PDE12: variants seen among roughly 807,000 people sequenced by gnomAD.
The protein encoded by PDE12 is phosphodiesterase 12.
Under a neutral mutation model 45.4 loss-of-function variants are expected in PDE12, and 26 were observed. That is an observed-to-expected ratio of 0.57 (90% confidence interval 0.42 to 0.79). The LOEUF is 0.79. PDE12 is among the 30% of genes least tolerant of loss of function. The probability of loss-of-function intolerance (pLI) is 0.00; values close to 1 mark genes in which losing one functional copy is unlikely to be tolerated. For synonymous variants in PDE12, 283 were observed against 323.9 expected, an observed-to-expected ratio of 0.87 and a Z score of 1.36; for missense variants, 668 against 790.0, an observed-to-expected ratio of 0.85 and a Z score of 1.85.
chr3:57,607,691 TAA>T, the PDE12 span, among the ~76,000 whole-genome samples: 3 of 151,326 alleles, frequency 2.0e-5, no homozygotes, highest in Non-Finnish European at 4.4e-5. Context: ...GAGAAAAGAG[TAA>T]AAATAAATGA....
the PDE12 span, chr3:57,600,198 T>A: frequency 6.6e-6 from 1 of 152,136 alleles, no homozygotes; most frequent in African/African-American, 2.4e-5. Context: ...TAAGTAGTGT[T>A]ATTTTTTGTA....
the PDE12 span, chr3:57,597,259 A>G: frequency 1.0e-6 from 1 of 983,560 alleles, no homozygotes; most frequent in Non-Finnish European, 1.5e-6. Flanking sequence ...GGAGGAAGAA[A>G]GAGGGAGGCA....
the PDE12 span, chr3:57,572,138 T>C: frequency 1.7e-6 from 2 of 1,190,746 alleles, no homozygotes; most frequent in Middle Eastern, 2.5e-4. Flanking sequence ...ATAACCAAGA[T>C]ACAAACTAAT....
chr3:57,648,539 A>G, the PDE12 span, among the ~76,000 whole-genome samples: 5 of 152,204 alleles, frequency 3.3e-5, no homozygotes, highest in Non-Finnish European at 7.3e-5. Context: ...ATGGAACCAA[A>G]AAAGAGCCTG....
At chr3:57,582,786 T>G in the PDE12 span, among the ~76,000 whole-genome samples, 1 of 152,054 alleles carries the variant, frequency 6.6e-6, no homozygotes, top group Non-Finnish European at 1.5e-5. Flanking sequence ...GACAAGAAAT[T>G]CCTTGGGTGG....
At chr3:57,572,029 C>T in the PDE12 span, 1 of 503,852 alleles carries the variant, frequency 2.0e-6, no homozygotes, top group South Asian at 3.2e-5. Context: ...TTCTTTAAAA[C>T]CAAGCACATT....
chr3:57,656,016 G>A, the PDE12 span, among the ~76,000 whole-genome samples: 1,037 of 152,086 alleles, frequency 6.8e-3, 14 homozygotes, highest in African/African-American at 0.023. Flanking sequence ...ATTCATTTTG[G>A]GGACACTCCC....
the PDE12 span, among the ~76,000 whole-genome samples, chr3:57,651,720 C>T: frequency 2.0e-5 from 3 of 151,678 alleles, no homozygotes; most frequent in Non-Finnish European, 4.4e-5. Flanking sequence ...CGGAATATCT[C>T]ACACCAGAAA....
rs2069789181 is a variant in PDE12 at position 57,566,710 on chromosome 3, G to GTTA, written c.*6707_*6709dup. 6.6e-6 allele frequency: 1 copy of GTTA among 152,144 alleles called. No homozygotes were observed. Among genetic ancestry groups the GTTA allele is most frequent in the Non-Finnish European group, 1.5e-5 (1 of 68,024 alleles). The allele number at this position is 152,144 out of a possible 1,614,324, so 9.4% of individuals were successfully genotyped here. A position where few individuals can be genotyped will look rare whatever the true frequency, so the allele number is the denominator to read the frequency against. ...TTGCATTTCCATGATGGTTAACGAT[G>GTTA]TTAAGCATCTTTTCATGTGCTCGTT... is the stretch of plus-strand genomic sequence containing the variant. On this transcript the variant is annotated 3_prime_UTR_variant, in exon 3 of 3. Coordinates refer to ENST00000311180, the MANE Select transcript of PDE12 (RefSeq NM_177966.7).
downstream of PDE12, among the ~76,000 whole-genome samples, chr3:57,567,168 T>A (rs1378664234): frequency 6.6e-6 from 1 of 152,004 alleles, no homozygotes; most frequent in African/African-American, 2.4e-5. Flanking sequence ...AAAAATTAGC[T>A]GGCCGTGGTG....
At chr3:57,578,037 C>T in the PDE12 span, among the ~76,000 whole-genome samples, 9 of 151,780 alleles carry the variant, frequency 5.9e-5, no homozygotes, top group Non-Finnish European at 1.3e-4. Flanking sequence ...GGTGGCAGAG[C>T]GAGACCCTAT....
the PDE12 span, among the ~76,000 whole-genome samples, chr3:57,647,291 A>C: frequency 6.6e-6 from 1 of 152,192 alleles, no homozygotes; most frequent in South Asian, 2.1e-4. Context: ...CCACAAAAGA[A>C]ACAAACAACA....
the PDE12 span, among the ~76,000 whole-genome samples, chr3:57,645,944 C>G: frequency 6.6e-6 from 1 of 152,158 alleles, no homozygotes; most frequent in African/African-American, 2.4e-5. Context: ...ACTGAAAGAA[C>G]ACACTGGGTT....
chr3:57,603,336 T>A, the PDE12 span, among the ~76,000 whole-genome samples: 3 of 152,110 alleles, frequency 2.0e-5, no homozygotes, highest in African/African-American at 7.2e-5. Context: ...CATGTTTATT[T>A]TTTATTTATT....
downstream of PDE12, among the ~76,000 whole-genome samples, chr3:57,571,008 T>G (rs2069836748): frequency 6.6e-6 from 1 of 151,930 alleles, no homozygotes; most frequent in African/African-American, 2.4e-5. Context: ...TGTTTTTAGT[T>G]TTTTAAGTAG....
chr3:57,631,757 C>G, the PDE12 span, among the ~76,000 whole-genome samples: 2 of 117,526 alleles, frequency 1.7e-5, no homozygotes, highest in Non-Finnish European at 3.3e-5. Context: ...GAGTCTCACT[C>G]TTTCGCCCAA....
At chr3:57,622,882 A>G in the PDE12 span, among the ~76,000 whole-genome samples, 1 of 152,216 alleles carries the variant, frequency 6.6e-6, no homozygotes, top group East Asian at 1.9e-4. Flanking sequence ...CACTTACATA[A>G]AACTCTAGAA....
In PDE12 at chr3:57,556,528, G is replaced by C. The variant is rs1269442947; in HGVS notation, c.149G>C (p.Ser50Thr). 1.2e-6 allele frequency: 2 copies of C among 1,613,550 alleles called. No individual in the cohort carries two copies. Among genetic ancestry groups the C allele is most frequent in the Admixed American group, 1.7e-5 (1 of 60,038 alleles). Residue 50 changes from serine (S) to threonine (T), a missense_variant, in exon 1 of 3, where the codon AGC becomes ACC. Around this residue, in one of 3 missense-constraint regions of PDE12, gnomAD observed 580 missense variants for 662.9 expected, o/e 0.87. Coordinates refer to ENST00000311180, the MANE Select transcript of PDE12 (RefSeq NM_177966.7). This position sits in a 1 kb window ranked among gnomAD's most constrained non-coding sequence, Gnocchi z 5.0. ...VRCVPSEPKL[S>T]LSFALADGSH... ...TGCGTACCTTCGGAACCCAAGCTGA[G>C]CCTGTCATTCGCTTTGGCTGATGGT...
the PDE12 span, chr3:57,634,604 T>C: frequency 2.0e-6 from 3 of 1,474,576 alleles, no homozygotes; most frequent in Non-Finnish European, 2.7e-6. Context: ...TAAATATGGC[T>C]TATATGAAGT....
Sources: gnomAD v4.1 joint callset for allele counts (sites outside exome capture counted in the v4.1 genomes callset) on GRCh38, gnomAD v4.1.1 for gene constraint, gnomAD v4.1.1 regional missense constraint, Gnocchi (gnomAD v3.1) non-coding constraint, MANE v1.5 for transcripts, NCBI Gene and HGNC (gene_info 2026-07-23, HGNC 2026-07-21) for gene names.